PPP2R2B: variants seen among roughly 807,000 people sequenced by gnomAD.
The protein encoded by PPP2R2B is protein phosphatase 2 regulatory subunit Bbeta, also known as serine/threonine-protein phosphatase 2A 55 kDa regulatory subunit B beta isoform.
Under a neutral mutation model 46.0 loss-of-function variants are expected in PPP2R2B, and 5 were observed. That is an observed-to-expected ratio of 0.11 (90% CI 0.06 to 0.23). The LOEUF is 0.23. Ranked by LOEUF, PPP2R2B falls within the 10% of genes least tolerant of loss-of-function variation. The pLI, the probability that PPP2R2B is intolerant of heterozygous loss-of-function variation, is 1.00. For missense variants in PPP2R2B, 367 were observed against 575.0 expected (o/e 0.64, Z 3.70); for synonymous variants, 215 against 206.7 (o/e 1.04, Z -0.34).
At chr5:146,809,644 C>T (rs56182789) in intron 2 of PPP2R2B, among the ~76,000 whole-genome samples, 83,630 of 151,932 alleles carry the variant, frequency 0.55, 23,829 homozygotes, top group Non-Finnish European at 0.64. Context: ...AAGGAGTGGG[C>T]CACGAGGCTG....
At chr5:146,741,056 AT>A (rs1197475635) in intron 2 of PPP2R2B, among the ~76,000 whole-genome samples, 1 of 150,300 alleles carries the variant, frequency 6.7e-6, no homozygotes, top group East Asian at 1.9e-4. Context: ...AAAAATGCAG[AT>A]TTTTGGGTCC....
chr5:146,787,538 C>T (rs868768669), intron 2 of PPP2R2B, among the ~76,000 whole-genome samples: 7 of 151,794 alleles, frequency 4.6e-5, no homozygotes, highest in South Asian at 2.1e-4. Flanking sequence ...TTTCTCCTCC[C>T]CTCTCGCCTC....
At chr5:146,660,613 CT>C (rs1776613863) in intron 5 of PPP2R2B, among the ~76,000 whole-genome samples, 1 of 152,114 alleles carries the variant, frequency 6.6e-6, no homozygotes, top group African/African-American at 2.4e-5. Flanking sequence ...CCAAAACCCC[CT>C]GGGAATCCTA....
chr5:146,886,436 C>T (rs1485215723), intron 1 of PPP2R2B, among the ~76,000 whole-genome samples: 4 of 151,734 alleles, frequency 2.6e-5, no homozygotes, highest in African/African-American at 4.8e-5. Context: ...TAATTAAAAA[C>T]CACTGAATTG....
rs192025025 is a variant in PPP2R2B, at chr5:146,906,130, T to C, written c.79+149535A>G. 6.4e-3 allele frequency among the ~76,000 whole-genome samples: 981 copies of C among 152,186 alleles called. 11 individuals carry two copies. Among genetic ancestry groups the C allele is most frequent in the African/African-American group, 0.023 (936 of 41,540 alleles). On this transcript the variant is annotated intron_variant, in intron 1 of 8. Coordinates refer to the PPP2R2B transcript ENST00000336640. ...AAGATATATTGTCTGAGTTGAGATA[T>C]GTTGGAAGTGTAAAATACACAATAG...
chr5:146,805,833 A>T (rs868061911), intron 2 of PPP2R2B, among the ~76,000 whole-genome samples: 1 of 152,246 alleles, frequency 6.6e-6, no homozygotes, highest in Middle Eastern at 3.4e-3. Flanking sequence ...TTCACCTGTG[A>T]TCTACACCTG....
intron 7 of PPP2R2B, among the ~76,000 whole-genome samples, chr5:146,601,539 C>T (rs1269233100): frequency 6.6e-6 from 1 of 152,142 alleles, no homozygotes; most frequent in East Asian, 1.9e-4. Flanking sequence ...GATCGAGATC[C>T]TGTCTTCAGA....
chr5:147,061,552 G>T (rs76462379), intron 2 of PPP2R2B, among the ~76,000 whole-genome samples: 35 of 152,148 alleles, frequency 2.3e-4, no homozygotes, highest in South Asian at 1.5e-3. Flanking sequence ...TGTCTTTCTC[G>T]CTCATTGCAT....
In PPP2R2B at chr5:146,621,092, T is replaced by C. The variant is rs1019074531; in HGVS notation, c.790+17159A>G. On this transcript the variant is annotated intron_variant, in intron 7 of 9. Transcript: ENST00000394411. The stretch of plus-strand genomic sequence containing the variant: ...CTGAGTACGACAGCCCATCTTGGCA[T>C]GGGCCAAGCACTGCCTGGAGGGACC... Among the ~76,000 whole-genome samples, 34 of 152,240 alleles carry C rather than the reference T, an allele frequency of 2.2e-4. 1 individual carries two copies. The highest frequency in any genetic ancestry group is 7.2e-4 in the African/African-American group (30 of 41,472).
chr5:147,069,790 T>TTTTTTTTTTG (rs1561611834), intron 2 of PPP2R2B, among the ~76,000 whole-genome samples: 1 of 116,236 alleles, frequency 8.6e-6, no homozygotes, highest in African/African-American at 3.5e-5. Flanking sequence ...ATACTGTTTT[T>TTTTTTTTTTG]TTTTTTTTTT....
intron 2 of PPP2R2B, among the ~76,000 whole-genome samples, chr5:146,788,528 C>T (rs546742976): frequency 6.6e-6 from 1 of 152,106 alleles, no homozygotes; most frequent in South Asian, 2.1e-4. Flanking sequence ...GCCAGGAGTT[C>T]AAGACCAGCC....
intron 6 of PPP2R2B, among the ~76,000 whole-genome samples, chr5:146,646,042 A>G (rs931488812): frequency 2.0e-5 from 3 of 152,196 alleles, no homozygotes; most frequent in Admixed American, 2.0e-4. Context: ...CTATAGCAGG[A>G]TTTTTAAAAA....
intron 7 of PPP2R2B, among the ~76,000 whole-genome samples, chr5:146,632,386 T>C (rs1581756290): frequency 6.6e-6 from 1 of 152,174 alleles, no homozygotes; most frequent in East Asian, 1.9e-4. Context: ...TTTGAAAAAA[T>C]AGTTGAATTG....
chr5:146,759,337 C>A (rs1035804692), intron 2 of PPP2R2B, among the ~76,000 whole-genome samples: 13 of 152,194 alleles, frequency 8.5e-5, no homozygotes, highest in African/African-American at 3.1e-4. Flanking sequence ...CTCTACCTCA[C>A]CTTTTATCTG....
chr5:146,747,825 G>C (rs1753283026), intron 2 of PPP2R2B, among the ~76,000 whole-genome samples: 1 of 152,152 alleles, frequency 6.6e-6, no homozygotes, highest in Non-Finnish European at 1.5e-5. Flanking sequence ...TAAGTAGTTT[G>C]AACCTAACTA....
intron 2 of PPP2R2B, among the ~76,000 whole-genome samples, chr5:146,807,795 T>C (rs1037370183): frequency 5.8e-5 from 7 of 120,374 alleles, no homozygotes; most frequent in African/African-American, 2.4e-4. Context: ...TTTTTTTTTT[T>C]TTTTTTTTTT....
At chr5:146,978,088 C>T (rs1290666472) in intron 1 of PPP2R2B, among the ~76,000 whole-genome samples, 4 of 152,146 alleles carry the variant, frequency 2.6e-5, no homozygotes, top group Non-Finnish European at 4.4e-5. Context: ...TGAGATGGTA[C>T]CTCATTCTGG....
In PPP2R2B at chr5:147,013,305, C is replaced by A. The variant is rs1256284782; in HGVS notation, c.79+42360G>T. ...AATTGATATCGTGAAAATGGCCATA[C>A]TGCCCAAGGTAATTTACAGATTCAA... On this transcript the variant is annotated intron_variant, in intron 1 of 8. Transcript: ENST00000336640. Among the ~76,000 whole-genome samples, 4 of 104,498 alleles carry A rather than the reference C, an allele frequency of 3.8e-5. 1 individual carries two copies. Among genetic ancestry groups the A allele is most frequent in the Non-Finnish European group, 7.1e-5 (3 of 41,990 alleles). The allele number at this position is 104,498 out of a possible 152,430, so 68.6% of individuals were successfully genotyped here. A position where few individuals can be genotyped will look rare whatever the true frequency, so the allele number is the denominator to read the frequency against.
At chr5:146,839,358 TA>T (rs1432835968) in intron 2 of PPP2R2B, among the ~76,000 whole-genome samples, 1 of 152,052 alleles carries the variant, frequency 6.6e-6, no homozygotes, top group Non-Finnish European at 1.5e-5. Context: ...TTGTCTTTAC[TA>T]AAAATACAAA....
Sources: allele counts gnomAD v4.1 joint callset (sites outside exome capture counted in the v4.1 genomes callset), GRCh38; gene constraint gnomAD v4.1.1; transcripts MANE v1.5; gene names NCBI Gene and HGNC (gene_info 2026-07-23, HGNC 2026-07-21).